The following TET3 variants were observed in gnomAD, a reference collection of about 807,000 sequenced individuals.
TET3 encodes the protein methylcytosine dioxygenase TET3.
A neutral mutation model predicts 141.4 loss-of-function variants in TET3; 19 were observed. The observed-to-expected ratio is 0.13, with a 90% CI of 0.09 to 0.20. The LOEUF is 0.20. TET3 is among the 10% of genes least tolerant of loss of function. The probability of loss-of-function intolerance (pLI) is 1.00; values close to 1 mark genes in which losing one functional copy is unlikely to be tolerated. For synonymous variants in TET3, 1,043 were observed against 980.9 expected, an observed-to-expected ratio of 1.06 and a Z score of -1.18; for missense variants, 1,874 against 2,356.9, an observed-to-expected ratio of 0.80 and a Z score of 4.24.
rs139654276 is a variant in TET3 at position 74,017,582 on chromosome 2, T to G, written c.360+14416T>G. On this transcript the variant is annotated intron_variant, in intron 3 of 11. Transcript: ENST00000409262. ...ATGACAGTATTTTGTTGTTGTTGTT[T>G]TTTTAATTGCTAACTAGTATTCCAT... Among the ~76,000 whole-genome samples, 211 of 152,350 alleles carry G rather than the reference T, an allele frequency of 1.4e-3. 5 individuals carry two copies. The East Asian group carries it at 0.031, about 23-fold the overall frequency.
chr2:73,990,189 G>A (rs1448142887), intron 2 of TET3, among the ~76,000 whole-genome samples: 1 of 149,046 alleles, frequency 6.7e-6, no homozygotes, highest in Non-Finnish European at 1.5e-5. Context: ...AGACCAGGCT[G>A]GGCAACATAG....
chr2:74,067,440 G>A (rs1558764583), intron 4 of TET3, among the ~76,000 whole-genome samples: 1 of 152,142 alleles, frequency 6.6e-6, no homozygotes. Flanking sequence ...TAAGCCCTTT[G>A]TGTATTTTAC....
rs1691406582 is a variant in TET3, at chr2:74,104,674, T to C, written c.*2498T>C. 2 of 152,890 alleles carry C rather than the reference T, an allele frequency of 1.3e-5. No homozygotes were observed. Among genetic ancestry groups the C allele is most frequent in the South Asian group, 4.1e-4 (2 of 4,828 alleles). The allele number at this position is 152,890 out of a possible 1,614,324, so 9.5% of individuals were successfully genotyped here. ...ACCCAGGTGATTCTGATACTTGGCATGTGTGAATCTTCCTGATGTATGTTA... is the reference window on the plus strand; with the variant it reads ...ACCCAGGTGATTCTGATACTTGGCACGTGTGAATCTTCCTGATGTATGTTA... On this transcript the variant is annotated 3_prime_UTR_variant, in exon 12 of 12. Transcript: ENST00000409262.
chr2:74,091,660 A>G (rs964550523), intron 8 of TET3, among the ~76,000 whole-genome samples: 4 of 152,260 alleles, frequency 2.6e-5, no homozygotes, highest in African/African-American at 9.6e-5. Context: ...CTGGATGTAC[A>G]GCTGAGCTGT....
chr2:74,065,770 TC>T (rs1333070838), intron 4 of TET3, among the ~76,000 whole-genome samples: 6 of 151,554 alleles, frequency 4.0e-5, no homozygotes, highest in African/African-American at 1.2e-4. Flanking sequence ...TTTTGTTTTT[TC>T]TTTTTTTAGA....
At chr2:74,057,408 C>T (rs571128992) in intron 4 of TET3, among the ~76,000 whole-genome samples, 1 of 152,332 alleles carries the variant, frequency 6.6e-6, no homozygotes, top group Admixed American at 6.5e-5. Flanking sequence ...CCCCAGTTCT[C>T]CTATCCCCTC....
intron 11 of TET3, 92 bp downstream of exon 11, chr2:74,099,704 G>A: frequency 7.8e-7 from 1 of 1,284,860 alleles, no homozygotes; most frequent in South Asian, 1.6e-5. Context: ...CATCACACTG[G>A]AACTGGGGCC....
intron 2 of TET3, among the ~76,000 whole-genome samples, chr2:73,986,923 C>T (rs552351365): frequency 2.6e-5 from 4 of 152,306 alleles, no homozygotes; most frequent in African/African-American, 9.6e-5. Context: ...TGAGCTAGCA[C>T]CCTCATCTCT....
chr2:74,066,584 A>G (rs539592406), intron 4 of TET3, among the ~76,000 whole-genome samples: 3 of 139,798 alleles, frequency 2.1e-5, no homozygotes, highest in South Asian at 2.1e-4. Flanking sequence ...GAGAGGAGAC[A>G]TAAGTAAAAG....
chr2:74,090,375 C>A (rs1392706897), intron 8 of TET3, among the ~76,000 whole-genome samples: 1 of 152,366 alleles, frequency 6.6e-6, no homozygotes, highest in East Asian at 1.9e-4. Context: ...TTCTCCCCCC[C>A]ATCTTCCCAG....
At chr2:74,052,014 C>G (rs529993066) in intron 4 of TET3, among the ~76,000 whole-genome samples, 1 of 152,362 alleles carries the variant, frequency 6.6e-6, no homozygotes, top group East Asian at 1.9e-4. Flanking sequence ...GCTTCTCGCT[C>G]TGTTGCCCAT....
At chr2:74,036,172 C>T (rs569642006) in intron 3 of TET3, among the ~76,000 whole-genome samples, 1 of 152,260 alleles carries the variant, frequency 6.6e-6, no homozygotes, top group East Asian at 1.9e-4. Flanking sequence ...TACTCATCCC[C>T]AATTTACAGG....
intron 8 of TET3, among the ~76,000 whole-genome samples, chr2:74,092,180 A>G (rs1345266147): frequency 6.6e-6 from 1 of 152,124 alleles, no homozygotes; most frequent in African/African-American, 2.4e-5. Flanking sequence ...GGGCACCTCT[A>G]ATCCCAGCTA....
intron 4 of TET3, among the ~76,000 whole-genome samples, chr2:74,052,268 C>T (rs1024755402): frequency 3.9e-5 from 6 of 152,164 alleles, no homozygotes; most frequent in Non-Finnish European, 7.3e-5. Context: ...GTATAAGCCA[C>T]CACGCCTGAA....
At position 74,006,753 on chromosome 2, in the gene TET3, C is replaced by T. The variant is rs369894844; in HGVS notation, c.360+3587C>T. Among the ~76,000 whole-genome samples the T allele has an allele frequency of 5.9e-5, 9 of 152,308 alleles. No individual in the cohort carries two copies. In the East Asian group the frequency reaches 1.7e-3, roughly 29 times the overall value. Reference sequence around the variant, plus strand: ...TTGGGTCTCACAATCCTCTTAAGTCCTCTTTCCTACCCTTGACCTCTTGGG... The same window carrying T: ...TTGGGTCTCACAATCCTCTTAAGTCTTCTTTCCTACCCTTGACCTCTTGGG... On this transcript the variant is annotated intron_variant, in intron 3 of 11. Transcript: ENST00000409262.
At chr2:74,055,601 T>A (rs1340095091) in intron 4 of TET3, among the ~76,000 whole-genome samples, 1 of 152,234 alleles carries the variant, frequency 6.6e-6, no homozygotes, top group African/African-American at 2.4e-5. Flanking sequence ...CAGCGTTAAG[T>A]CCACTAAAAT....
chr2:74,047,106 C>T lies in TET3; in HGVS notation c.1189C>T (p.Pro397Ser), dbSNP rs375606763. 9.9e-6 allele frequency: 16 copies of T among 1,613,964 alleles called. No individual in the cohort carries two copies. The Middle Eastern group carries it at 6.6e-4, about 67-fold the overall frequency. The change falls in exon 4 of 12, where the codon CCC becomes TCC. Residue 397 changes from proline (P) to serine (S), a missense_variant. By Grantham distance (74) the Pro-to-Ser change is moderately conservative. Transcript: ENST00000409262. Reference protein sequence around the residue: ...ALSPPAPFRSPQSYLRAPSWP... With the variant: ...ALSPPAPFRSSQSYLRAPSWP... ...GTCACCTCCTGCCCCTTTCAGATCT[C>T]CCCAGTCTTACCTCCGGGCTCCCTC...
chr2:74,130,366 C>G, the TET3 span, among the ~76,000 whole-genome samples: 1 of 152,206 alleles, frequency 6.6e-6, no homozygotes, highest in African/African-American at 2.4e-5. Context: ...AAGGGTAGAG[C>G]TGACTCCTAG....
intron 6 of TET3, among the ~76,000 whole-genome samples, chr2:74,084,968 C>G (rs150830894): frequency 1.3e-5 from 2 of 152,020 alleles, no homozygotes; most frequent in East Asian, 3.9e-4. Context: ...GAAAGTAGAA[C>G]AGTGGTTTCA....
Sources: allele counts gnomAD v4.1 joint callset (sites outside exome capture counted in the v4.1 genomes callset), GRCh38; gene constraint gnomAD v4.1.1; transcripts MANE v1.5; gene names NCBI Gene and HGNC (gene_info 2026-07-23, HGNC 2026-07-21).